The following NCEH1 variants were observed in gnomAD, a reference collection of about 807,000 sequenced individuals.
NCEH1 encodes the protein neutral cholesterol ester hydrolase 1.
Under a neutral mutation model 25.4 loss-of-function variants are expected in NCEH1, and 9 were observed. The observed-to-expected ratio is 0.35, with a 90% CI of 0.21 to 0.62. The LOEUF is 0.62. Ranked by LOEUF, NCEH1 falls within the 20% of genes least tolerant of loss-of-function variation. NCEH1 has a pLI of 0.72. For synonymous variants in NCEH1, 200 were observed against 199.8 expected (o/e 1.00, Z -0.01); for missense variants, 412 against 501.1 (o/e 0.82, Z 1.70).
At chr3:172,684,638 G>A (rs372149385) in intron 1 of NCEH1, among the ~76,000 whole-genome samples, 1 of 152,170 alleles carries the variant, frequency 6.6e-6, no homozygotes, top group African/African-American at 2.4e-5. Flanking sequence ...CAATTCTGTA[G>A]AGAAATCCTA....
intron 1 of NCEH1, among the ~76,000 whole-genome samples, chr3:172,692,634 G>C (rs1713134520): frequency 6.6e-6 from 1 of 152,086 alleles, no homozygotes; most frequent in African/African-American, 2.4e-5. Context: ...TAGAGTGCTA[G>C]GATTACAGGT....
chr3:172,648,206 C>T (rs1717214360), intron 1 of NCEH1, 92 bp from the exon 2 acceptor site: 3 of 1,434,112 alleles, frequency 2.1e-6, no homozygotes, highest in South Asian at 2.5e-5. Context: ...TGAATTCCTA[C>T]AAGCAGCTGC....
chr3:172,653,666 C>G (rs897352723), intron 1 of NCEH1, among the ~76,000 whole-genome samples: 4 of 151,308 alleles, frequency 2.6e-5, no homozygotes, highest in African/African-American at 9.7e-5. Flanking sequence ...GTATGGCTAA[C>G]AAGGAAAAGG....
rs578069692 is a variant in NCEH1 at position 172,641,475 on chromosome 3, C to T, written c.437+4148G>A. Among the ~76,000 whole-genome samples the T allele has an allele frequency of 4.6e-5, 7 of 152,268 alleles. No individual in the cohort carries two copies. The South Asian group carries it at 1.2e-3, about 27-fold the overall frequency. On this transcript the variant is annotated intron_variant, in intron 3 of 4. Transcript: ENST00000475381. ...GATTCCATTACCAAGGCTGCTGGAA[C>T]CCCTGCCCACCAGCTTCCTCAGATA... is the stretch of plus-strand genomic sequence containing the variant.
chr3:172,674,365 C>G (rs2108514751), intron 1 of NCEH1, among the ~76,000 whole-genome samples: 1 of 150,932 alleles, frequency 6.6e-6, no homozygotes, highest in South Asian at 2.1e-4. Flanking sequence ...ATCGCTTGAA[C>G]CCGGGAGGCG....
At chr3:172,710,758 T>C (rs1714253956) in intron 1 of NCEH1, 89 bp downstream of exon 1, 2 of 1,490,392 alleles carry the variant, frequency 1.3e-6, no homozygotes, top group Non-Finnish European at 9.1e-7. Flanking sequence ...AAACCTGCGT[T>C]TTCGTGGAAC....
chr3:172,665,901 T>C (rs1718185720), intron 1 of NCEH1, among the ~76,000 whole-genome samples: 1 of 152,222 alleles, frequency 6.6e-6, no homozygotes, highest in African/African-American at 2.4e-5. Flanking sequence ...CAGCTTCCCT[T>C]GGCTAGGAAA....
intron 1 of NCEH1, among the ~76,000 whole-genome samples, chr3:172,651,142 C>T (rs188941960): frequency 5.9e-5 from 9 of 152,204 alleles, no homozygotes; most frequent in Non-Finnish European, 1.3e-4. Flanking sequence ...GAGGTAGGTA[C>T]TATTATCTTG....
chr3:172,689,013 A>G (rs1712868011), intron 1 of NCEH1, among the ~76,000 whole-genome samples: 2 of 152,108 alleles, frequency 1.3e-5, no homozygotes, highest in Non-Finnish European at 2.9e-5. Flanking sequence ...CACTGACTAA[A>G]CTTTTGTTTT....
intron 1 of NCEH1, among the ~76,000 whole-genome samples, chr3:172,653,752 G>GTT (rs375874414): frequency 2.0e-4 from 17 of 83,828 alleles, no homozygotes; most frequent in East Asian, 1.5e-3. Context: ...TTGTTTTTTT[G>GTT]TTTTTTTGTT....
chr3:172,640,038 G>C (rs1192942527), intron 3 of NCEH1, among the ~76,000 whole-genome samples: 2 of 152,220 alleles, frequency 1.3e-5, no homozygotes. Context: ...AATGTGCTAA[G>C]AGGGTTGAAA....
chr3:172,661,038 GC>G (rs1349792883), intron 1 of NCEH1, among the ~76,000 whole-genome samples: 1 of 152,164 alleles, frequency 6.6e-6, no homozygotes, highest in Non-Finnish European at 1.5e-5. Context: ...TAGTCATGAA[GC>G]CCTTGCCCAT....
intron 1 of NCEH1, among the ~76,000 whole-genome samples, chr3:172,698,745 T>C (rs73173358): frequency 0.023 from 3,567 of 152,298 alleles, 69 homozygotes; most frequent in South Asian, 0.04. Flanking sequence ...TATTAAAACA[T>C]GAGGAAGTTA....
intron 1 of NCEH1, among the ~76,000 whole-genome samples, chr3:172,661,333 A>G (rs1284388859): frequency 6.6e-6 from 1 of 152,102 alleles, no homozygotes; most frequent in Non-Finnish European, 1.5e-5. Flanking sequence ...ATTGGTCTAT[A>G]TCTCCCTTTT....
chr3:172,676,891 C>T (rs1251457458), intron 1 of NCEH1, among the ~76,000 whole-genome samples: 1 of 152,060 alleles, frequency 6.6e-6, no homozygotes, highest in African/African-American at 2.4e-5. Flanking sequence ...TCTGTTACCT[C>T]CCACAACAAT....
intron 1 of NCEH1, among the ~76,000 whole-genome samples, chr3:172,653,307 A>G (rs1173947678): frequency 7.2e-5 from 11 of 152,200 alleles, no homozygotes; most frequent in Admixed American, 7.2e-4. Flanking sequence ...AACAAGAATC[A>G]AAGGAAACCA....
intron 1 of NCEH1, among the ~76,000 whole-genome samples, chr3:172,694,931 A>G (rs890561157): frequency 2.6e-5 from 4 of 152,050 alleles, no homozygotes; most frequent in Admixed American, 6.6e-5. Flanking sequence ...TCCTTTACTT[A>G]TTCATCTCAT....
intron 1 of NCEH1, among the ~76,000 whole-genome samples, chr3:172,678,333 G>GCAT (rs1299738232): frequency 6.6e-6 from 1 of 152,174 alleles, no homozygotes; most frequent in Non-Finnish European, 1.5e-5. Flanking sequence ...TTGGCCTGAG[G>GCAT]CATTACAAGA....
At chr3:172,660,337 G>A (rs533656193) in intron 1 of NCEH1, among the ~76,000 whole-genome samples, 2 of 152,230 alleles carry the variant, frequency 1.3e-5, no homozygotes, top group South Asian at 2.1e-4. Context: ...AGTATTCCAT[G>A]GTGTATATGC....
Sources: allele counts gnomAD v4.1 joint callset (sites outside exome capture counted in the v4.1 genomes callset), GRCh38; gene constraint gnomAD v4.1.1; transcripts MANE v1.5; gene names NCBI Gene and HGNC (gene_info 2026-07-23, HGNC 2026-07-21).